Variants in ZNF532 observed in about 807,000 individuals in gnomAD.
ZNF532 encodes the protein zinc finger protein 532.
A neutral mutation model predicts 89.3 loss-of-function variants in ZNF532; 22 were observed. The observed-to-expected ratio is 0.25, with a 90% CI of 0.18 to 0.35. The LOEUF is 0.35. ZNF532 is among the 10% of genes least tolerant of loss of function. The pLI, the probability that ZNF532 is intolerant of heterozygous loss-of-function variation, is 1.00. For synonymous variants in ZNF532, 606 were observed against 649.6 expected, an observed-to-expected ratio of 0.93 and a Z score of 1.02; for missense variants, 1,132 against 1,643.4, an observed-to-expected ratio of 0.69 and a Z score of 5.38.
chr18:58,964,745 C>A (rs1044709763), intron 7 of ZNF532, among the ~76,000 whole-genome samples: 1 of 151,782 alleles, frequency 6.6e-6, no homozygotes, highest in Non-Finnish European at 1.5e-5. Flanking sequence ...CACCACCATG[C>A]CTGGCTAATT....
chr18:58,965,532 A>G (rs1213046554), intron 7 of ZNF532, among the ~76,000 whole-genome samples: 1 of 152,222 alleles, frequency 6.6e-6, no homozygotes, highest in East Asian at 1.9e-4. Context: ...GTTAGCAGAT[A>G]TGTCTTTCCA....
At chr18:58,879,742 A>G (rs2057737380) in intron 2 of ZNF532, among the ~76,000 whole-genome samples, 2 of 152,138 alleles carry the variant, frequency 1.3e-5, no homozygotes, top group South Asian at 4.1e-4. Flanking sequence ...ATTAAAAACA[A>G]CACTGTTGGC....
intron 2 of ZNF532, among the ~76,000 whole-genome samples, chr18:58,867,501 G>C (rs560091893): frequency 6.6e-6 from 1 of 152,294 alleles, no homozygotes; most frequent in Non-Finnish European, 1.5e-5. Context: ...AGGCCTCCCT[G>C]GAGTGGGGAG....
Position 58,919,258 on chromosome 18 carries a change from C to G in ZNF532, c.971C>G (p.Thr324Ser), listed in dbSNP as rs200771155. ...GAATCCCAGAATCTCATCGACGGGA[C>G]CAAAAAACCATCCCTGAAGCAACCG... ...SPESQNLIDG[T>S]KKPSLKQPDS... Residue 324 changes from threonine to serine, a missense_variant, in exon 3 of 10, where the codon ACC becomes AGC. Around this residue, in one of 9 missense-constraint regions of ZNF532, gnomAD observed 124 missense variants for 191.6 expected, o/e 0.65. Transcript: ENST00000591808. The surrounding 1 kb of genome is among the most constrained non-coding windows in gnomAD (Gnocchi z 6.1). 21 of 1,614,038 alleles carry G rather than the reference C, an allele frequency of 1.3e-5. No homozygotes were observed. The East Asian group carries it at 4.5e-4, about 34-fold the overall frequency.
Position 58,920,523 on chromosome 18 carries a change from C to T in ZNF532, c.2236C>T (p.Pro746Ser), listed in dbSNP as rs1417228932. The part of the protein sequence containing the change: ...ITPAMPLDED[P>S]SKLCRHSLKC... ...CCCAGCCATGCCCCTAGATGAAGACCCCTCCAAACTGTGTAGACATAGTCT... is the reference window on the plus strand; with the variant it reads ...CCCAGCCATGCCCCTAGATGAAGACTCCTCCAAACTGTGTAGACATAGTCT... The change falls in exon 3 of 10, where the codon CCC becomes TCC. Residue 746 changes from proline (P) to serine (S), a missense_variant. Transcript: ENST00000591808. 1.9e-6 allele frequency: 3 copies of T among 1,613,852 alleles called. No homozygotes were observed. The highest frequency in any genetic ancestry group is 3.3e-5 in the Admixed American group (2 of 59,998).
intron 6 of ZNF532, 36 bp downstream of exon 6, chr18:58,948,265 G>C (rs1400881009): frequency 1.1e-5 from 17 of 1,564,956 alleles, no homozygotes; most frequent in Non-Finnish European, 1.5e-5. Flanking sequence ...TAAATGAATT[G>C]CAGATCCATT....
intron 2 of ZNF532, among the ~76,000 whole-genome samples, chr18:58,898,367 A>C (rs1191095301): frequency 6.6e-6 from 1 of 152,242 alleles, no homozygotes; most frequent in Non-Finnish European, 1.5e-5. Context: ...GGCCTGGGGC[A>C]AGAGTACTAA....
intron 2 of ZNF532, among the ~76,000 whole-genome samples, chr18:58,905,185 A>C (rs2145752199): frequency 6.6e-6 from 1 of 152,274 alleles, no homozygotes; most frequent in South Asian, 2.1e-4. Flanking sequence ...AAGTTGCTAC[A>C]TCATTTTGAT....
chr18:58,951,646 G>GTTTT lies in ZNF532; in HGVS notation c.2869-1854_2869-1851dup, dbSNP rs3039758. Among the ~76,000 whole-genome samples, 282 of 72,390 alleles carry GTTTT rather than the reference G, an allele frequency of 3.9e-3. 5 individuals are homozygous for GTTTT. The highest frequency in any genetic ancestry group is 8.8e-3 in the Middle Eastern group (1 of 114). The allele number at this position is 72,390 out of a possible 152,430, so 47.5% of individuals were successfully genotyped here. A position where few individuals can be genotyped will look rare whatever the true frequency, so the allele number is the denominator to read the frequency against. On this transcript the variant is annotated intron_variant, in intron 6 of 9. Transcript: ENST00000591808. Reference sequence around the variant, plus strand: ...CAATCACCTCAGCCCTCGCCCTGTTGTTTTTTTTTTTTTTTTTTTTTGAGA... The same window carrying GTTTT: ...CAATCACCTCAGCCCTCGCCCTGTTGTTTTTTTTTTTTTTTTTTTTTTTTTGAGA...
At chr18:58,880,354 T>C (rs538416965) in intron 2 of ZNF532, among the ~76,000 whole-genome samples, 2 of 152,284 alleles carry the variant, frequency 1.3e-5, no homozygotes, top group South Asian at 4.1e-4. Flanking sequence ...AAGTGGGTCA[T>C]CTTATTATCC....
chr18:58,982,488 G>C (rs2067918445), intron 9 of ZNF532, among the ~76,000 whole-genome samples: 1 of 151,610 alleles, frequency 6.6e-6, no homozygotes, highest in Non-Finnish European at 1.5e-5. Flanking sequence ...AGGCGTGGTG[G>C]TGCACACCTG....
intron 7 of ZNF532, among the ~76,000 whole-genome samples, chr18:58,977,256 G>GACTATT: frequency 6.6e-6 from 1 of 152,264 alleles, no homozygotes; most frequent in East Asian, 1.9e-4. Flanking sequence ...TGCATAACTT[G>GACTATT]ACTATTACAA....
chr18:58,890,797 C>T (rs1192345078), intron 2 of ZNF532, among the ~76,000 whole-genome samples: 1 of 151,806 alleles, frequency 6.6e-6, no homozygotes, highest in Non-Finnish European at 1.5e-5. Flanking sequence ...GACCTCTTTA[C>T]CTCTTCTTCC....
intron 2 of ZNF532, among the ~76,000 whole-genome samples, chr18:58,915,160 C>G (rs961875570): frequency 6.6e-6 from 1 of 152,170 alleles, no homozygotes; most frequent in Non-Finnish European, 1.5e-5. Context: ...GGTATCCATT[C>G]CATTAGTTAT....
At chr18:58,979,381 A>C in intron 8 of ZNF532, 1 of 328,692 alleles carries the variant, frequency 3.0e-6, no homozygotes, top group African/African-American at 2.1e-5. Context: ...CATATCCCAC[A>C]TACATTGTGT....
intron 4 of ZNF532, among the ~76,000 whole-genome samples, chr18:58,937,617 T>C (rs2062589681): frequency 6.6e-6 from 1 of 152,244 alleles, no homozygotes; most frequent in Non-Finnish European, 1.5e-5. Context: ...CATCTTTCTA[T>C]CCTTCATGGG....
At chr18:58,964,531 TTGTTTGTGTGTGTG>T (rs1439398585) in intron 7 of ZNF532, among the ~76,000 whole-genome samples, 343 of 137,036 alleles carry the variant, frequency 2.5e-3, no homozygotes, top group African/African-American at 6.2e-3. Flanking sequence ...AATTGATATT[TTGTTTGTGTGTGTG>T]TGTGTGTGTG....
At chr18:58,888,701 A>ATATATATATATATATATATATATAAAT (rs2058482728) in intron 2 of ZNF532, among the ~76,000 whole-genome samples, 1 of 48,846 alleles carries the variant, frequency 2.0e-5, no homozygotes, top group Non-Finnish European at 3.1e-5. Context: ...AAAAAATTAT[A>ATATATATATATATATATATATATAAAT]TATATATATA....
intron 7 of ZNF532, among the ~76,000 whole-genome samples, chr18:58,974,702 C>G (rs1196094578): frequency 2.0e-5 from 3 of 152,180 alleles, no homozygotes; most frequent in Non-Finnish European, 4.4e-5. Flanking sequence ...ACCAGGGCCT[C>G]CCTCTCAACT....
Sources: gnomAD v4.1 joint callset for allele counts (sites outside exome capture counted in the v4.1 genomes callset) on GRCh38, gnomAD v4.1.1 for gene constraint, gnomAD v4.1.1 regional missense constraint, Gnocchi (gnomAD v3.1) non-coding constraint, MANE v1.5 for transcripts, NCBI Gene and HGNC (gene_info 2026-07-23, HGNC 2026-07-21) for gene names.